Variants in PTGER3 observed in about 807,000 individuals in gnomAD.
PTGER3 encodes prostaglandin E2 receptor EP3 subtype.
A neutral mutation model predicts 34.7 loss-of-function variants in PTGER3; 22 were observed. That is an observed-to-expected ratio of 0.63 (90% confidence interval 0.45 to 0.91). The LOEUF (loss-of-function observed/expected upper bound fraction) is 0.91. Among genes scored for constraint, PTGER3 ranks in the 40% least tolerant of loss-of-function variants. The pLI is 0.00. For missense variants in PTGER3, 468 were observed against 519.4 expected, an observed-to-expected ratio of 0.90 and a Z score of 0.96; for synonymous variants, 241 against 230.1, an observed-to-expected ratio of 1.05 and a Z score of -0.43.
At chr1:70,921,694 C>T (rs973063148) in intron 4 of PTGER3, among the ~76,000 whole-genome samples, 1 of 152,132 alleles carries the variant, frequency 6.6e-6, no homozygotes, top group Non-Finnish European at 1.5e-5. Context: ...AAGTTTCCCT[C>T]TTGTCTCTTG....
chr1:70,896,224 A>G (rs1646719461), intron 4 of PTGER3, among the ~76,000 whole-genome samples: 1 of 152,194 alleles, frequency 6.6e-6, no homozygotes. Context: ...CGTAGTATCT[A>G]TGAATGTGGC....
chr1:71,011,827 T>A, intron 2 of PTGER3: 1 of 999,154 alleles, frequency 1.0e-6, no homozygotes, highest in Non-Finnish European at 1.2e-6. Context: ...TGTCTTTGAA[T>A]AAAAACAAAC....
At chr1:70,954,013 C>T (rs376996136) in intron 2 of PTGER3, among the ~76,000 whole-genome samples, 2 of 152,140 alleles carry the variant, frequency 1.3e-5, no homozygotes, top group African/African-American at 2.4e-5. Context: ...GTTCTGCCTA[C>T]CAAGCATCTC....
intron 1 of PTGER3, among the ~76,000 whole-genome samples, chr1:71,038,886 C>A (rs1452847675): frequency 6.6e-6 from 1 of 152,178 alleles, no homozygotes; most frequent in African/African-American, 2.4e-5. Flanking sequence ...AAGATGAAGA[C>A]AACTGAGGGA....
intron 2 of PTGER3, among the ~76,000 whole-genome samples, chr1:70,964,421 CA>C (rs1557692242): frequency 6.6e-6 from 1 of 152,212 alleles, no homozygotes; most frequent in African/African-American, 2.4e-5. Context: ...AATTGACTCA[CA>C]GCTCCACATA....
At chr1:70,936,160 A>G (rs916884107) in intron 4 of PTGER3, among the ~76,000 whole-genome samples, 1 of 152,218 alleles carries the variant, frequency 6.6e-6, no homozygotes, top group Non-Finnish European at 1.5e-5. Context: ...TCCTTGGATC[A>G]GCATCATTAA....
intron 4 of PTGER3, among the ~76,000 whole-genome samples, chr1:70,903,916 G>T (rs1477130776): frequency 2.0e-5 from 3 of 152,148 alleles, no homozygotes; most frequent in African/African-American, 7.2e-5. Context: ...TTGGTTTAAA[G>T]ATTAGATGAG....
At chr1:70,984,920 A>G (rs1654767586) in intron 2 of PTGER3, among the ~76,000 whole-genome samples, 1 of 152,178 alleles carries the variant, frequency 6.6e-6, no homozygotes, top group Admixed American at 6.5e-5. Context: ...AATCTTCAAA[A>G]ACTTCCAAAT....
downstream of PTGER3, among the ~76,000 whole-genome samples, chr1:70,966,802 G>C (rs1258593360): frequency 2.0e-5 from 3 of 152,046 alleles, no homozygotes; most frequent in Non-Finnish European, 4.4e-5. Flanking sequence ...TGACTGCATA[G>C]TATTCCATGG....
chr1:70,970,248 A>G (rs995281695), downstream of PTGER3, among the ~76,000 whole-genome samples: 9 of 152,302 alleles, frequency 5.9e-5, no homozygotes, highest in Admixed American at 5.2e-4. Context: ...TAGTGAATAG[A>G]TGACAGCTAG....
chr1:70,903,108 T>C (rs983344486), intron 4 of PTGER3, among the ~76,000 whole-genome samples: 3 of 152,030 alleles, frequency 2.0e-5, no homozygotes, highest in African/African-American at 7.3e-5. Context: ...GGGGAAGGTG[T>C]TGGGAAGACG....
chr1:71,024,973 G>T (rs190488278), intron 1 of PTGER3, among the ~76,000 whole-genome samples: 18 of 150,942 alleles, frequency 1.2e-4, no homozygotes, highest in African/African-American at 4.1e-4. Flanking sequence ...GGTTTGTTAC[G>T]TGTATACATG....
chr1:70,876,259 G>A (rs1396842496), intron 4 of PTGER3, among the ~76,000 whole-genome samples: 1 of 148,648 alleles, frequency 6.7e-6, no homozygotes, highest in Non-Finnish European at 1.5e-5. Context: ...GTCTGTTCAT[G>A]TCCATGCCTA....
chr1:70,911,839 T>G (rs1320301412), intron 4 of PTGER3, among the ~76,000 whole-genome samples: 2 of 152,190 alleles, frequency 1.3e-5, no homozygotes, highest in Non-Finnish European at 2.9e-5. Context: ...TAAATGTTTA[T>G]AATCATTTTT....
chr1:70,931,197 C>A (rs772987252), intron 4 of PTGER3, among the ~76,000 whole-genome samples: 8 of 152,220 alleles, frequency 5.3e-5, no homozygotes, highest in South Asian at 2.1e-4. Context: ...TGTCTCGCAT[C>A]CAGGTCACCC....
intron 4 of PTGER3, among the ~76,000 whole-genome samples, chr1:70,889,724 A>G (rs1646576154): frequency 6.6e-6 from 1 of 152,192 alleles, no homozygotes; most frequent in African/African-American, 2.4e-5. Flanking sequence ...TTCTTCTTGC[A>G]GTGGTCAATA....
In PTGER3 at chr1:71,046,841, A is replaced by C; in HGVS notation, c.737T>G (p.Phe246Cys). 1 of 1,614,120 alleles carries C rather than the reference A, an allele frequency of 6.2e-7. No homozygotes were observed. The highest frequency in any genetic ancestry group is 8.5e-7 in the Non-Finnish European group (1 of 1,180,034). ...CTTAATGGTGGCCAGGTTGCAGGAA[A>C]AGGTGACTGTCAGCGCCAAGAGCCC... is the stretch of plus-strand genomic sequence containing the variant. ...FLGLLALTVTFSCNLATIKAL... is the reference protein window; with the variant it reads ...FLGLLALTVTCSCNLATIKAL... The change falls in exon 1 of 4, where the codon TTT (phenylalanine) becomes TGT (cysteine). Residue 246 changes from phenylalanine (F) to cysteine (C), a missense_variant. By Grantham distance (205) the Phe-to-Cys change is radical. Coordinates refer to ENST00000306666, the MANE Select transcript of PTGER3 (RefSeq NM_198719.2).
chr1:70,886,979 G>A (rs1043492874), intron 4 of PTGER3, among the ~76,000 whole-genome samples: 1 of 152,220 alleles, frequency 6.6e-6, no homozygotes, highest in Non-Finnish European at 1.5e-5. Context: ...TTGCAACATA[G>A]GGGATGTGAG....
chr1:70,884,045 C>A (rs1646447748), intron 4 of PTGER3: 2 of 395,874 alleles, frequency 5.1e-6, no homozygotes, highest in Non-Finnish European at 1.0e-5. Context: ...GGAAATCACT[C>A]CACTGCACTC....
Sources: allele counts gnomAD v4.1 joint callset (sites outside exome capture counted in the v4.1 genomes callset), GRCh38; gene constraint gnomAD v4.1.1; transcripts MANE v1.5; gene names NCBI Gene and HGNC (gene_info 2026-07-23, HGNC 2026-07-21).